The following NBEAL2 variants were observed in gnomAD, a reference collection of about 807,000 sequenced individuals.
The protein encoded by NBEAL2 is neurobeachin-like protein 2.
A neutral mutation model predicts 299.8 loss-of-function variants in NBEAL2; 160 were observed. The ratio of observed to expected loss-of-function variants is 0.53; its 90% CI spans 0.47 to 0.61. The LOEUF (loss-of-function observed/expected upper bound fraction) is 0.61, where lower values mean the gene tolerates loss of function less well. Among genes scored for constraint, NBEAL2 ranks in the 20% least tolerant of loss-of-function variants. The pLI is 0.00. For synonymous variants in NBEAL2, 1,493 were observed against 1,542.3 expected, an observed-to-expected ratio of 0.97 and a Z score of 0.75; for missense variants, 3,112 against 3,649.0, an observed-to-expected ratio of 0.85 and a Z score of 3.79.
rs767670912 is a variant in NBEAL2 at position 46,991,556 on chromosome 3, C to T, written c.793C>T (p.Arg265Cys). The T allele has an allele frequency of 4.4e-6, 7 of 1,605,500 alleles. No individual in the cohort carries two copies. The highest frequency in any genetic ancestry group is 1.1e-5 in the South Asian group (1 of 91,086). The change falls in exon 8 of 54, where the codon CGC becomes TGC. Residue 265 changes from arginine (R) to cysteine (C), a missense_variant. Physicochemically the swap from Arg to Cys is radical, Grantham distance 180. Around this residue, in one of 3 missense-constraint regions of NBEAL2, gnomAD observed 2,243 missense variants for 2,538.1 expected, o/e 0.88. Coordinates refer to ENST00000450053, the MANE Select transcript of NBEAL2 (RefSeq NM_015175.3). The surrounding 1 kb of genome is among the most constrained non-coding windows in gnomAD (Gnocchi z 6.2). ...TGCAGTCCATGTCTTGCATGCCAGC[C>T]GCGCACCTCCTCGTGGCCCAGAGCT... ...VGAVHVLHAS[R>C]APPRGPELRA...
At position 46,999,316 on chromosome 3, in the gene NBEAL2, T is replaced by G; in HGVS notation, c.3545T>G (p.Ile1182Ser). 1 of 1,608,030 alleles carries G rather than the reference T, an allele frequency of 6.2e-7. No homozygotes were observed. ...LPLLPDRVCK[I>S]LRRLQQNERL... ...AGTCCTCCGATGACCCCCACACAGA[T>G]CCTGCGCAGACTGCAGCAGAATGAG... The change falls in exon 25 of 54, where the codon ATC becomes AGC. Residue 1182 changes from isoleucine to serine, a missense_variant and splice_region_variant. Physicochemically the swap from Ile to Ser is moderately radical, Grantham distance 142. This residue lies in a region of NBEAL2 where 2,243 missense variants were observed against 2,538.1 expected (regional missense o/e 0.88). Transcript: ENST00000450053.
At chr3:46,985,395 G>C (rs4234465) in intron 1 of NBEAL2, among the ~76,000 whole-genome samples, 69,362 of 152,018 alleles carry the variant, frequency 0.46, 16,175 homozygotes, top group Middle Eastern at 0.55. Context: ...ATCCCTGTCA[G>C]CTTGGCAAAC....
At chr3:46,999,804 T>C in intron 26 of NBEAL2, 85 bp from the exon 27 acceptor site, 1 of 1,592,100 alleles carries the variant, frequency 6.3e-7, no homozygotes, top group Non-Finnish European at 8.6e-7. Flanking sequence ...GAGGGGTCTC[T>C]GGAGCCCTCC....
chr3:47,001,717 A>G lies in NBEAL2; in HGVS notation c.4673A>G (p.Asp1558Gly). Residue 1558 changes from aspartate to glycine, a missense_variant, in exon 30 of 54, where the codon GAT becomes GGT. Asp to Gly is a moderately conservative substitution (Grantham distance 94). Around this residue, in one of 3 missense-constraint regions of NBEAL2, gnomAD observed 2,243 missense variants for 2,538.1 expected, o/e 0.88. Transcript: ENST00000450053. The surrounding 1 kb of genome is among the most constrained non-coding windows in gnomAD (Gnocchi z 6.1). ...KLFEGVCSLL[D>G]RLGAWPHLAN... ...TTTGAAGGTGTATGCAGCCTACTTG[A>G]TCGCCTGGGAGCCTGGCCCCACCTG... is the stretch of plus-strand genomic sequence containing the variant. 2 of 1,613,776 alleles carry G rather than the reference A, an allele frequency of 1.2e-6. No individual in the cohort carries two copies. Among genetic ancestry groups the G allele is most frequent in the Non-Finnish European group, 1.7e-6 (2 of 1,179,846 alleles).
At chr3:46,999,221 C>T (rs766515658) in intron 24 of NBEAL2, 94 bp from the exon 25 acceptor site, 427 of 1,538,602 alleles carry the variant, frequency 2.8e-4, no homozygotes, top group Non-Finnish European at 3.5e-4. Flanking sequence ...AAGCTGCCTT[C>T]AAGGGCCTCT....
In NBEAL2 at chr3:46,995,292, G is replaced by T; in HGVS notation, c.1557G>T (p.Leu519=). The part of the protein sequence containing the change: ...EARCQEQLLA[L]LQALGRVSIR... Reference sequence around the variant, plus strand: ...GCTGCCAAGAGCAGCTGCTGGCACTGCTACAAGCACTGGGCCGTGTATCAA... The same window carrying T: ...GCTGCCAAGAGCAGCTGCTGGCACTTCTACAAGCACTGGGCCGTGTATCAA... Residue 519 remains leucine, a synonymous_variant, in exon 13 of 54, where the codon CTG becomes CTT. Coordinates refer to ENST00000450053, the MANE Select transcript of NBEAL2 (RefSeq NM_015175.3). 6.4e-7 allele frequency: 1 copy of T among 1,571,916 alleles called. No individual in the cohort carries two copies. Among genetic ancestry groups the T allele is most frequent in the Non-Finnish European group, 8.6e-7 (1 of 1,159,192 alleles).
At chr3:47,002,836 G>A (rs1304818956) in intron 33 of NBEAL2, 34 bp downstream of exon 33, 2 of 1,551,838 alleles carry the variant, frequency 1.3e-6, no homozygotes, top group Non-Finnish European at 1.7e-6. Context: ...CGCTGTGGAG[G>A]GGTGGGGCTT....
rs1266180664 is a variant in NBEAL2, at chr3:47,008,972, TC to T, written c.8028-13del. The stretch of plus-strand genomic sequence containing the variant: ...CCTTGCAGTCGCAAGTTGGTGTATA[TC>T]CCCTCTCCCTTCCAGACTGCTCCCG... On this transcript the variant is annotated splice_polypyrimidine_tract_variant and intron_variant, in intron 52 of 53. Transcript: ENST00000450053. 2 of 1,598,470 alleles carry T rather than the reference TC, an allele frequency of 1.3e-6. No homozygotes were observed. Among genetic ancestry groups the T allele is most frequent in the Non-Finnish European group, 1.7e-6 (2 of 1,179,814 alleles).
At position 47,007,111 on chromosome 3, in the gene NBEAL2, C is replaced by G. The variant is rs201673387; in HGVS notation, c.7180C>G (p.Arg2394Gly). The G allele has an allele frequency of 6.2e-7, 1 of 1,613,646 alleles. No individual in the cohort carries two copies. Among genetic ancestry groups the G allele is most frequent in the Non-Finnish European group, 8.5e-7 (1 of 1,179,768 alleles). ...CCTGGTGCTAGCCCTGGTCCCCCAC[C>G]GGCAGCCCCACTCCTTCATCACCCA... ...VPLVLALVPH[R>G]QPHSFITQGS... is the part of the protein sequence containing the mutation. The change falls in exon 46 of 54, where the codon CGG becomes GGG. Residue 2394 changes from arginine to glycine, a missense_variant. Coordinates refer to ENST00000450053, the MANE Select transcript of NBEAL2 (RefSeq NM_015175.3).
At position 47,002,505 on chromosome 3, in the gene NBEAL2, T is replaced by A. The variant is rs960852031; in HGVS notation, c.5286T>A (p.Ser1762Arg). The A allele has an allele frequency of 1.9e-6, 3 of 1,612,290 alleles. No individual in the cohort carries two copies. In the African/African-American group the frequency reaches 4.0e-5, roughly 22 times the overall value. The change falls in exon 32 of 54, where the codon AGT becomes AGA. Residue 1762 changes from serine (S) to arginine (R), a missense_variant. Transcript: ENST00000450053. ...GGCGCCAGTGGGAGCGCGCCCAGAG[T>A]CGTCGGGCCTTCCAGGTGTGCCACC... Reference protein sequence around the residue: ...GQRRQWERAQSRRAFQELVLE... With the variant: ...GQRRQWERAQRRRAFQELVLE...
Position 46,991,836 on chromosome 3 carries a change from A to G in NBEAL2, c.926-4A>G, listed in dbSNP as rs1399721806. ...GCAGGGCCTGACCCTTGACCCTTCCACAGACGCCATCCCCATGATGCTGGC... is the reference window on the plus strand; with the variant it reads ...GCAGGGCCTGACCCTTGACCCTTCCGCAGACGCCATCCCCATGATGCTGGC... On this transcript the variant is annotated splice_polypyrimidine_tract_variant and splice_region_variant and intron_variant, in intron 8 of 53. Coordinates refer to ENST00000450053, the MANE Select transcript of NBEAL2 (RefSeq NM_015175.3). The surrounding 1 kb of genome is among the most constrained non-coding windows in gnomAD (Gnocchi z 6.2). 2 of 1,590,492 alleles carry G rather than the reference A, an allele frequency of 1.3e-6. No homozygotes were observed. Among genetic ancestry groups the G allele is most frequent in the East Asian group, 2.3e-5 (1 of 43,598 alleles).
chr3:46,997,442 T>G lies in NBEAL2; in HGVS notation c.2824+9T>G. Reference sequence around the variant, plus strand: ...ATTGGGTAAATCTTCAGGTAAGTGTTCCTGGTGCCTATGTTGTGGAGAGGG... The same window carrying G: ...ATTGGGTAAATCTTCAGGTAAGTGTGCCTGGTGCCTATGTTGTGGAGAGGG... On this transcript the variant is annotated intron_variant, in intron 19 of 53. Transcript: ENST00000450053. 2 of 1,606,632 alleles carry G rather than the reference T, an allele frequency of 1.2e-6. No homozygotes were observed. The highest frequency in any genetic ancestry group is 1.7e-6 in the Non-Finnish European group (2 of 1,175,006).
At position 46,982,691 on chromosome 3, in the gene NBEAL2, G is replaced by T. The variant is rs1347767795; in HGVS notation, c.51+2779G>T. ...TGGGTCCCATGGCAGTGACCAGTCAGGAAGTCACCCCAGAGGAGGCTGAGT... is the reference window on the plus strand; with the variant it reads ...TGGGTCCCATGGCAGTGACCAGTCATGAAGTCACCCCAGAGGAGGCTGAGT... On this transcript the variant is annotated intron_variant, in intron 1 of 53. Transcript: ENST00000450053. The surrounding 1 kb of genome is among the most constrained non-coding windows in gnomAD (Gnocchi z 4.2). Among the ~76,000 whole-genome samples the T allele has an allele frequency of 6.6e-6, 1 of 152,206 alleles. No homozygotes were observed. Among genetic ancestry groups the T allele is most frequent in the Non-Finnish European group, 1.5e-5 (1 of 68,030 alleles).
rs35201996 is a variant in NBEAL2, at chr3:47,005,883, G to A, written c.6801+36G>A. 0.05 allele frequency: 81,285 copies of A among 1,612,592 alleles called. 3,347 individuals carry two copies. Among genetic ancestry groups the A allele is most frequent in the Admixed American group, 0.2 (11,952 of 60,010 alleles). ...AACCACAGGCAAACGGCAGGCAGCCGGGGTTCTGAAGATCATGGGGGGTCA... is the reference window on the plus strand; with the variant it reads ...AACCACAGGCAAACGGCAGGCAGCCAGGGTTCTGAAGATCATGGGGGGTCA... On this transcript the variant is annotated intron_variant, in intron 42 of 53. Transcript: ENST00000450053.
intron 33 of NBEAL2, 69 bp downstream of exon 33, chr3:47,002,871 C>A: frequency 1.3e-6 from 2 of 1,568,982 alleles, no homozygotes; most frequent in Non-Finnish European, 1.7e-6. Context: ...CACCTGGAGC[C>A]CCAGACTGCC....
Position 46,998,731 on chromosome 3 carries a change from GC to G in NBEAL2, c.3241del (p.Leu1081TrpfsTer37). 6.3e-7 allele frequency: 1 copy of G among 1,575,944 alleles called. No homozygotes were observed. The highest frequency in any genetic ancestry group is 8.6e-7 in the Non-Finnish European group (1 of 1,158,548). ...TGACCTGCCAGCCCGCAGCGGGAGC[GC>G]CCCCTGGCTGCTGACGACCTACGCA... ...LRTHYSPQRERPLAADDLRTV... is the reference protein window; with the variant it reads ...LRTHYSPQREXPLAADDLRTV... On this transcript the variant is annotated frameshift_variant, in exon 23 of 54. Coordinates refer to ENST00000450053, the MANE Select transcript of NBEAL2 (RefSeq NM_015175.3). LOFTEE classifies it high-confidence loss of function.
rs1189938377 is a variant in NBEAL2, at chr3:46,991,129, C to T, written c.557-90C>T. 8.5e-7 allele frequency: 1 copy of T among 1,171,208 alleles called. No homozygotes were observed. The highest frequency in any genetic ancestry group is 1.2e-6 in the Non-Finnish European group (1 of 803,246). 72.6% of individuals were successfully genotyped at this position (1,171,208 alleles called of 1,614,324 possible). A position where few individuals can be genotyped will look rare whatever the true frequency, so the allele number is the denominator to read the frequency against. On this transcript the variant is annotated intron_variant, in intron 6 of 53. Coordinates refer to ENST00000450053, the MANE Select transcript of NBEAL2 (RefSeq NM_015175.3). The surrounding 1 kb of genome is among the most constrained non-coding windows in gnomAD (Gnocchi z 6.2). The stretch of plus-strand genomic sequence containing the variant: ...ACTTGGCCCAGCTCCCTCTCCCCTC[C>T]ACCCCAGGGCACTCACCTCTTGTGC...
intron 39 of NBEAL2, 21 bp from the exon 40 acceptor site, chr3:47,005,159 AC>A (rs1445423214): frequency 1.9e-6 from 3 of 1,613,786 alleles, no homozygotes; most frequent in Non-Finnish European, 2.5e-6. Context: ...GCTTCTGCTG[AC>A]ACGTCCAACT....
rs1345806621 is a variant in NBEAL2, at chr3:47,004,861, C to A, written c.6295-111C>A. On this transcript the variant is annotated intron_variant, in intron 38 of 53. Transcript: ENST00000450053. The surrounding 1 kb of genome is among the most constrained non-coding windows in gnomAD (Gnocchi z 5.0). ...CTGTGACCCCTCTAAGTGGTGCTCC[C>A]CCAACCTGTGGGCAGGCTCTGTGCC... 4 of 1,489,386 alleles carry A rather than the reference C, an allele frequency of 2.7e-6. No individual in the cohort carries two copies. Among genetic ancestry groups the A allele is most frequent in the South Asian group, 1.3e-5 (1 of 77,710 alleles). The allele number at this position is 1,489,386 out of a possible 1,614,324, so 92.3% of individuals were successfully genotyped here. A position where few individuals can be genotyped will look rare whatever the true frequency, so the allele number is the denominator to read the frequency against.
Sources: allele counts gnomAD v4.1 joint callset (sites outside exome capture counted in the v4.1 genomes callset), GRCh38; gene constraint gnomAD v4.1.1; regional missense constraint gnomAD v4.1.1; non-coding constraint Gnocchi (gnomAD v3.1); transcripts MANE v1.5; gene names NCBI Gene and HGNC (gene_info 2026-07-23, HGNC 2026-07-21).